Variants in RTF1 observed in about 807,000 individuals in gnomAD.
RTF1 encodes the protein RNA polymerase-associated protein RTF1 homolog.
A neutral mutation model predicts 95.7 loss-of-function variants in RTF1; 10 were observed. That is an observed-to-expected ratio of 0.10 (90% CI 0.06 to 0.18). The LOEUF (loss-of-function observed/expected upper bound fraction) is 0.18. Ranked by LOEUF, RTF1 falls within the 10% of genes least tolerant of loss-of-function variation. The probability of loss-of-function intolerance (pLI) is 1.00; values close to 1 mark genes in which losing one functional copy is unlikely to be tolerated. For synonymous variants in RTF1, 305 were observed against 311.8 expected (o/e 0.98, Z 0.23); for missense variants, 458 against 875.6 (o/e 0.52, Z 6.02).
In RTF1 at chr15:41,457,718, T is replaced by A. The variant is rs35588442; in HGVS notation, c.504T>A (p.Asp168Glu). The part of the protein sequence containing the change: ...SDSNSSSSSS[D>E]SDSSSEDEEF... ...GCAACAGCTCCTCTTCCAGTTCAGATTCAGACTCTTCCTCAGAAGATGAAG... is the reference window on the plus strand; with the variant it reads ...GCAACAGCTCCTCTTCCAGTTCAGAATCAGACTCTTCCTCAGAAGATGAAG... The change falls in exon 4 of 18, where the codon GAT becomes GAA. Residue 168 changes from aspartate (D) to glutamate (E), a missense_variant. Around this residue, in one of 11 missense-constraint regions of RTF1, gnomAD observed 15 missense variants for 28.4 expected, o/e 0.53. Transcript: ENST00000389629. 7 of 1,613,986 alleles carry A rather than the reference T, an allele frequency of 4.3e-6. No individual in the cohort carries two copies. The East Asian group carries it at 1.1e-4, about 26-fold the overall frequency.
chr15:41,464,603 T>C (rs1320427096), intron 4 of RTF1, among the ~76,000 whole-genome samples, 168 bp from the exon 5 acceptor site: 1 of 152,188 alleles, frequency 6.6e-6, no homozygotes, highest in Non-Finnish European at 1.5e-5. Flanking sequence ...TTTGTTGTAA[T>C]TAACATATTA....
intron 4 of RTF1, among the ~76,000 whole-genome samples, chr15:41,462,830 A>T (rs919075008): frequency 6.6e-6 from 1 of 152,148 alleles, no homozygotes; most frequent in Non-Finnish European, 1.5e-5. Context: ...ATTATAGCTC[A>T]TTGAAGCCTC....
chr15:41,428,535 T>G (rs2050650654), intron 1 of RTF1, among the ~76,000 whole-genome samples: 1 of 151,526 alleles, frequency 6.6e-6, no homozygotes, highest in Admixed American at 6.6e-5. Flanking sequence ...CCCAAAGTGC[T>G]GGGATTACAA....
chr15:41,477,375 C>G (rs889076486), intron 13 of RTF1, 83 bp from the exon 14 acceptor site: 1 of 1,612,494 alleles, frequency 6.2e-7, no homozygotes, highest in African/African-American at 1.3e-5. Flanking sequence ...CTGCACTGAC[C>G]CCATAGATAT....
chr15:41,465,040 T>C (rs371224672), intron 5 of RTF1, among the ~76,000 whole-genome samples, 155 bp downstream of exon 5: 88 of 152,220 alleles, frequency 5.8e-4, no homozygotes, highest in African/African-American at 2.0e-3. Flanking sequence ...TCTGGACATA[T>C]CACCATTAGC....
intron 1 of RTF1, among the ~76,000 whole-genome samples, chr15:41,429,300 G>A (rs78632970): frequency 3.9e-5 from 6 of 152,176 alleles, no homozygotes; most frequent in Admixed American, 2.0e-4. Context: ...TTTTTTCCTC[G>A]TCATCTCGTA....
chr15:41,460,908 A>C, intron 4 of RTF1, among the ~76,000 whole-genome samples: 1 of 135,920 alleles, frequency 7.4e-6, no homozygotes, highest in Non-Finnish European at 1.6e-5. Context: ...ATGGAGTCTC[A>C]CTCTGTTGCC....
rs1429171613 is a variant in RTF1 at position 41,482,192 on chromosome 15, GTA to G, written c.*1507_*1508del. 5.2e-5 allele frequency: 8 copies of G among 152,630 alleles called. No individual in the cohort carries two copies. Among genetic ancestry groups the G allele is most frequent in the Non-Finnish European group, 1.0e-4 (7 of 68,046 alleles). The allele number at this position is 152,630 out of a possible 1,614,324, so 9.5% of individuals were successfully genotyped here. Reference sequence around the variant, plus strand: ...TAGGGCGAAGCCAGCAGAGGTGTGTGTATGTCTTTATGAAATGTTTGAAAAGA... The same window carrying G: ...TAGGGCGAAGCCAGCAGAGGTGTGTGTGTCTTTATGAAATGTTTGAAAAGA... On this transcript the variant is annotated 3_prime_UTR_variant, in exon 18 of 18. Transcript: ENST00000389629.
At chr15:41,466,459 T>C (rs954233927) in intron 6 of RTF1, among the ~76,000 whole-genome samples, 6 of 152,234 alleles carry the variant, frequency 3.9e-5, no homozygotes, top group African/African-American at 1.4e-4. Context: ...TTCATCAGAT[T>C]ATTTTAAAGC....
intron 3 of RTF1, among the ~76,000 whole-genome samples, chr15:41,457,343 G>GA (rs2050824120): frequency 6.6e-6 from 1 of 152,202 alleles, no homozygotes; most frequent in Admixed American, 6.5e-5. Flanking sequence ...AGACCAGCCT[G>GA]AACAATATGG....
rs955045727 is a variant in RTF1, at chr15:41,451,302, T to C, written c.310-1599T>C. ...TTCTTTATGGTAATTAGAATAAAGT[T>C]TCTGAGTAAAGTATTTTTCACCTAA... is the stretch of plus-strand genomic sequence containing the variant. On this transcript the variant is annotated intron_variant, in intron 2 of 17. Coordinates refer to ENST00000389629, the MANE Select transcript of RTF1 (RefSeq NM_015138.5). Among the ~76,000 whole-genome samples the C allele has an allele frequency of 3.9e-5, 6 of 152,320 alleles. No individual in the cohort carries two copies. The East Asian group carries it at 9.6e-4, about 24-fold the overall frequency.
At chr15:41,476,561 AAGG>A in intron 12 of RTF1, 38 bp downstream of exon 12, 1 of 1,548,978 alleles carries the variant, frequency 6.5e-7, no homozygotes, top group African/African-American at 1.4e-5. Flanking sequence ...CTCATCCTGT[AAGG>A]AGATGTGGAA....
intron 1 of RTF1, among the ~76,000 whole-genome samples, chr15:41,428,232 C>T (rs1324192181): frequency 6.7e-6 from 1 of 149,814 alleles, no homozygotes; most frequent in African/African-American, 2.5e-5. Context: ...CTTGTTCCAA[C>T]CCCTCTACTG....
intron 4 of RTF1, among the ~76,000 whole-genome samples, chr15:41,458,155 G>A (rs1371642887): frequency 1.3e-5 from 2 of 152,196 alleles, no homozygotes; most frequent in Admixed American, 1.3e-4. Flanking sequence ...GCTCTGTGAA[G>A]TTGGTTATAC....
chr15:41,457,732 C>T lies in RTF1; in HGVS notation c.518C>T (p.Ser173Leu), dbSNP rs764850999. ...SSSSSDSDSS[S>L]EDEEFHDGYG... ...TCCAGTTCAGATTCAGACTCTTCCTCAGAAGATGAAGAGTTCCATGATGGC... is the reference window on the plus strand; with the variant it reads ...TCCAGTTCAGATTCAGACTCTTCCTTAGAAGATGAAGAGTTCCATGATGGC... Residue 173 changes from serine to leucine, a missense_variant, in exon 4 of 18, where the codon TCA becomes TTA. Transcript: ENST00000389629. 1 of 1,613,970 alleles carries T rather than the reference C, an allele frequency of 6.2e-7. No individual in the cohort carries two copies. The highest frequency in any genetic ancestry group is 1.1e-5 in the South Asian group (1 of 91,064).
chr15:41,426,781 ATGTGTG>A (rs58073154), intron 1 of RTF1, among the ~76,000 whole-genome samples: 811 of 78,436 alleles, frequency 0.01, 15 homozygotes, highest in African/African-American at 0.029. Context: ...CTACATATAT[ATGTGTG>A]TGTGTGTGTG....
At chr15:41,438,129 T>A (rs1316686574) in intron 1 of RTF1, among the ~76,000 whole-genome samples, 192 bp from the exon 2 acceptor site, 2 of 152,176 alleles carry the variant, frequency 1.3e-5, no homozygotes, top group Non-Finnish European at 1.5e-5. Flanking sequence ...GGGGCAGATT[T>A]TCTAAACATT....
At chr15:41,462,152 C>T (rs1026480133) in intron 4 of RTF1, among the ~76,000 whole-genome samples, 7 of 151,960 alleles carry the variant, frequency 4.6e-5, no homozygotes, top group Admixed American at 3.3e-4. Flanking sequence ...TTTAGTAGTT[C>T]GTTTGTTTAG....
intron 2 of RTF1, among the ~76,000 whole-genome samples, chr15:41,444,822 A>C (rs530824328): frequency 7.2e-5 from 11 of 152,326 alleles, no homozygotes; most frequent in Non-Finnish European, 1.5e-5. Flanking sequence ...TCGTGGGGTC[A>C]GGAAGCCAGG....
Sources: gnomAD v4.1 joint callset for allele counts (sites outside exome capture counted in the v4.1 genomes callset) on GRCh38, gnomAD v4.1.1 for gene constraint, gnomAD v4.1.1 regional missense constraint, MANE v1.5 for transcripts, NCBI Gene and HGNC (gene_info 2026-07-23, HGNC 2026-07-21) for gene names.